The following ZNRF2 variants were observed in gnomAD, a reference collection of about 807,000 sequenced individuals.
ZNRF2 encodes the protein E3 ubiquitin-protein ligase ZNRF2.
Under a neutral mutation model 20.4 loss-of-function variants are expected in ZNRF2, and 16 were observed. That is an observed-to-expected ratio of 0.79 (90% CI 0.53 to 1.19). The LOEUF (loss-of-function observed/expected upper bound fraction) is 1.19. Ranked by LOEUF, ZNRF2 falls within the 50% of genes most tolerant of loss-of-function variation. The pLI, the probability that ZNRF2 is intolerant of heterozygous loss-of-function variation, is 0.00. For missense variants in ZNRF2, 363 were observed against 332.4 expected, an observed-to-expected ratio of 1.09 and a Z score of -0.72; for synonymous variants, 178 against 144.9, an observed-to-expected ratio of 1.23 and a Z score of -1.64.
chr7:30,344,508 T>C (rs1406687872), intron 2 of ZNRF2, among the ~76,000 whole-genome samples: 1 of 152,146 alleles, frequency 6.6e-6, no homozygotes, highest in Non-Finnish European at 1.5e-5. Flanking sequence ...TTTTTGTACT[T>C]CTCTTTGCTT....
chr7:30,304,064 T>G (rs546340976), intron 1 of ZNRF2, among the ~76,000 whole-genome samples: 74 of 152,188 alleles, frequency 4.9e-4, no homozygotes, highest in Non-Finnish European at 8.2e-4. Context: ...TTTACTCTCC[T>G]TACTAATAAT....
rs1356255239 is a variant in ZNRF2, at chr7:30,317,510, C to T, written c.470-6132C>T. 2.0e-5 allele frequency among the ~76,000 whole-genome samples: 3 copies of T among 152,080 alleles called. 1 individual carries two copies. Among genetic ancestry groups the T allele is most frequent in the Middle Eastern group, 6.3e-3 (2 of 316 alleles). ...ATGAAAATATTGGCTTAATCAAGAG[C>T]AAAGGCATGGAGATGTAATGGGTAT... On this transcript the variant is annotated intron_variant, in intron 1 of 4. Coordinates refer to ENST00000323037, the MANE Select transcript of ZNRF2 (RefSeq NM_147128.4).
At chr7:30,355,952 T>A in intron 3 of ZNRF2, 119 bp downstream of exon 3, 2 of 616,858 alleles carry the variant, frequency 3.2e-6, no homozygotes, top group Non-Finnish European at 5.6e-6. Context: ...CACACACTTC[T>A]TAAAACTTAA....
Position 30,292,340 on chromosome 7 carries a change from T to A in ZNRF2, c.469+6514T>A, listed in dbSNP as rs540608379. Reference sequence around the variant, plus strand: ...ACCAGTTTCTAACATCACATTAAAATTTTTTATAACATGATTTTTAATTAT... The same window carrying A: ...ACCAGTTTCTAACATCACATTAAAAATTTTTATAACATGATTTTTAATTAT... On this transcript the variant is annotated intron_variant, in intron 1 of 4. Transcript: ENST00000323037. 5.3e-5 allele frequency among the ~76,000 whole-genome samples: 8 copies of A among 152,328 alleles called. No individual in the cohort carries two copies. The South Asian group carries it at 1.7e-3, about 32-fold the overall frequency.
intron 1 of ZNRF2, among the ~76,000 whole-genome samples, chr7:30,292,821 G>C (rs1273385531): frequency 2.0e-5 from 3 of 152,182 alleles, no homozygotes; most frequent in Non-Finnish European, 4.4e-5. Context: ...AGAGCATAGT[G>C]GGGTGGCATG....
chr7:30,343,436 G>T (rs1342965332), intron 2 of ZNRF2, among the ~76,000 whole-genome samples: 4 of 151,734 alleles, frequency 2.6e-5, no homozygotes, highest in Non-Finnish European at 4.4e-5. Context: ...GATCGTCATG[G>T]ACTAAGGTGA....
intron 4 of ZNRF2, among the ~76,000 whole-genome samples, chr7:30,363,378 G>A (rs1405346133): frequency 1.3e-5 from 2 of 152,040 alleles, no homozygotes; most frequent in Non-Finnish European, 1.5e-5. Context: ...TTCCTATTAC[G>A]CAGATGAAGA....
chr7:30,365,833 CT>C (rs1245699943), intron 4 of ZNRF2, among the ~76,000 whole-genome samples: 3 of 152,172 alleles, frequency 2.0e-5, no homozygotes, highest in South Asian at 2.1e-4. Context: ...TGTGTGCATT[CT>C]TTACTTGCGT....
intron 2 of ZNRF2, among the ~76,000 whole-genome samples, chr7:30,346,347 C>T (rs1258025104): frequency 6.6e-6 from 1 of 151,606 alleles, no homozygotes; most frequent in East Asian, 1.9e-4. Context: ...GTGCCTGCCA[C>T]CACGCCTGGC....
chr7:30,296,838 T>C (rs1311578965), intron 1 of ZNRF2, among the ~76,000 whole-genome samples: 1 of 152,250 alleles, frequency 6.6e-6, no homozygotes, highest in African/African-American at 2.4e-5. Flanking sequence ...GTTACTTTCA[T>C]ATAGTAATGT....
chr7:30,361,111 A>G (rs150655530), intron 3 of ZNRF2, among the ~76,000 whole-genome samples: 72 of 152,320 alleles, frequency 4.7e-4, no homozygotes, highest in African/African-American at 1.7e-3. Flanking sequence ...TAGCTCGCAA[A>G]TAGATACTAT....
rs1798740162 is a variant in ZNRF2 at position 30,284,800 on chromosome 7, C to T, written c.-558C>T. 2 of 190,582 alleles carry T rather than the reference C, an allele frequency of 1.0e-5. No individual in the cohort carries two copies. The highest frequency in any genetic ancestry group is 4.8e-5 in the African/African-American group (2 of 41,590). 11.8% of individuals were successfully genotyped at this position (190,582 alleles called of 1,614,324 possible). A position where few individuals can be genotyped will look rare whatever the true frequency, so the allele number is the denominator to read the frequency against. On this transcript the variant is annotated 5_prime_UTR_variant, in exon 1 of 5. Transcript: ENST00000323037. Reference sequence around the variant, plus strand: ...TCTCCCTCCCATTTTTCGTTCTCCCCTCGCGCGCCACCCGTTTTTCCTCTT... The same window carrying T: ...TCTCCCTCCCATTTTTCGTTCTCCCTTCGCGCGCCACCCGTTTTTCCTCTT...
intron 1 of ZNRF2, among the ~76,000 whole-genome samples, chr7:30,316,053 C>T (rs916153245): frequency 1.3e-5 from 2 of 151,812 alleles, no homozygotes; most frequent in African/African-American, 2.4e-5. Context: ...CTTTGGGAGG[C>T]CAAGGCGGGC....
intron 1 of ZNRF2, among the ~76,000 whole-genome samples, chr7:30,296,677 T>G (rs544575826): frequency 3.9e-5 from 6 of 152,316 alleles, no homozygotes; most frequent in South Asian, 2.1e-4. Context: ...CCTTAATAAC[T>G]CCTTTTGTCC....
At chr7:30,295,040 AGAGAGAGAGAGTGTGTGTGTGT>A (rs1562603658) in intron 1 of ZNRF2, among the ~76,000 whole-genome samples, 3 of 115,028 alleles carry the variant, frequency 2.6e-5, no homozygotes, top group East Asian at 2.7e-4. Context: ...AGAGAGAGAG[AGAGAGAGAGAGTGTGTGTGTGT>A]GTGTGTGTGT....
Position 30,285,348 on chromosome 7 carries a change from C to CA in ZNRF2, c.-9dup. 8.7e-7 allele frequency: 1 copy of CA among 1,149,378 alleles called. No individual in the cohort carries two copies. The highest frequency in any genetic ancestry group is 1.7e-5 in the African/African-American group (1 of 59,584). The allele number at this position is 1,149,378 out of a possible 1,614,324, so 71.2% of individuals were successfully genotyped here. On this transcript the variant is annotated 5_prime_UTR_variant, in exon 1 of 5. Coordinates refer to ENST00000323037, the MANE Select transcript of ZNRF2 (RefSeq NM_147128.4). ...CGCAGCGCGCGGGCCCGGCCCGGGG[C>CA]AGGGCGGACATGGGCGCCAAACAGA... is the stretch of plus-strand genomic sequence containing the variant.
intron 1 of ZNRF2, among the ~76,000 whole-genome samples, chr7:30,293,800 T>A (rs1472714054): frequency 6.6e-6 from 1 of 152,244 alleles, no homozygotes; most frequent in Non-Finnish European, 1.5e-5. Context: ...GCTCTTTTTT[T>A]AGCGACGAAA....
At chr7:30,357,680 G>A (rs945231231) in intron 3 of ZNRF2, among the ~76,000 whole-genome samples, 5 of 152,064 alleles carry the variant, frequency 3.3e-5, no homozygotes, top group Admixed American at 2.0e-4. Context: ...GAAAAAATGA[G>A]GAATGTGAAT....
intron 1 of ZNRF2, among the ~76,000 whole-genome samples, chr7:30,297,772 A>T (rs1270767129): frequency 6.6e-6 from 1 of 150,956 alleles, no homozygotes; most frequent in Non-Finnish European, 1.5e-5. Flanking sequence ...GATGACTTAG[A>T]TGTTGTACAC....
Sources: allele counts gnomAD v4.1 joint callset (sites outside exome capture counted in the v4.1 genomes callset), GRCh38; gene constraint gnomAD v4.1.1; transcripts MANE v1.5; gene names NCBI Gene and HGNC (gene_info 2026-07-23, HGNC 2026-07-21).